HECW2: variants seen among roughly 807,000 people sequenced by gnomAD.
HECW2 encodes HECT, C2 and WW domain containing E3 ubiquitin protein ligase 2.
Under a neutral mutation model 175.2 loss-of-function variants are expected in HECW2, and 61 were observed. The ratio of observed to expected loss-of-function variants is 0.35; its 90% CI spans 0.28 to 0.43. The LOEUF (loss-of-function observed/expected upper bound fraction) is 0.43, where lower values mean the gene tolerates loss of function less well. HECW2 is among the 20% of genes least tolerant of loss of function. The probability of loss-of-function intolerance (pLI) is 1.00; values close to 1 mark genes in which losing one functional copy is unlikely to be tolerated. For synonymous variants in HECW2, 671 were observed against 731.0 expected (o/e 0.92, Z 1.32); for missense variants, 1,524 against 2,000.5 (o/e 0.76, Z 4.54).
chr2:196,281,685 G>A (rs945388880), intron 14 of HECW2, among the ~76,000 whole-genome samples: 81 of 128,448 alleles, frequency 6.3e-4, no homozygotes, highest in Non-Finnish European at 1.1e-3. Flanking sequence ...TTCTTTTACC[G>A]AAATACTTAA....
chr2:196,378,178 C>T (rs1461803413), intron 2 of HECW2, among the ~76,000 whole-genome samples: 1 of 152,200 alleles, frequency 6.6e-6, no homozygotes, highest in Non-Finnish European at 1.5e-5. Context: ...TCAGGCCCTA[C>T]CATGTCATCT....
chr2:196,477,126 T>G (rs1050474177), intron 1 of HECW2, among the ~76,000 whole-genome samples: 23 of 150,200 alleles, frequency 1.5e-4, no homozygotes, highest in Admixed American at 6.6e-4. Context: ...GTAGGTGAGG[T>G]TTTTTCCCTG....
In HECW2 at chr2:196,342,202, C is replaced by T. The variant is rs919792471; in HGVS notation, c.400+1455G>A. Among the ~76,000 whole-genome samples, 3 of 151,470 alleles carry T rather than the reference C, an allele frequency of 2.0e-5. No homozygotes were observed. The South Asian group carries it at 6.3e-4, about 32-fold the overall frequency. ...GGCGGATCACCTGAGGTCAGGAGTT[C>T]GAGACCAGCCTGACCAACATGGAGA... On this transcript the variant is annotated intron_variant, in intron 3 of 28. Transcript: ENST00000644978.
intron 1 of HECW2, among the ~76,000 whole-genome samples, chr2:196,477,909 G>A (rs774744436): frequency 7.2e-5 from 11 of 152,004 alleles, no homozygotes; most frequent in Admixed American, 2.0e-4. Context: ...AAAATTAGCC[G>A]AACATGGTGG....
intron 1 of HECW2, among the ~76,000 whole-genome samples, chr2:196,436,085 C>A (rs1695861779): frequency 6.6e-6 from 1 of 152,152 alleles, no homozygotes; most frequent in South Asian, 2.1e-4. Context: ...GCTTTGGCCC[C>A]ATAACACTGA....
At chr2:196,564,460 C>T (rs1277930742) in intron 1 of HECW2, among the ~76,000 whole-genome samples, 1 of 152,116 alleles carries the variant, frequency 6.6e-6, no homozygotes, top group African/African-American at 2.4e-5. Flanking sequence ...TCCTTATTCT[C>T]AGGAAGTGTG....
chr2:196,278,431 A>T, intron 15 of HECW2, 97 bp downstream of exon 15: 1 of 1,392,624 alleles, frequency 7.2e-7, no homozygotes, highest in Non-Finnish European at 9.7e-7. Context: ...AAAAAAAAAG[A>T]AAAAATGCTT....
chr2:196,223,551 G>A (rs998404420), intron 23 of HECW2, among the ~76,000 whole-genome samples: 2 of 152,328 alleles, frequency 1.3e-5, no homozygotes, highest in East Asian at 1.9e-4. Flanking sequence ...GTTTGAGAGA[G>A]TTAACCTTAA....
At chr2:196,426,679 C>T (rs776634044) in intron 2 of HECW2, among the ~76,000 whole-genome samples, 1 of 151,958 alleles carries the variant, frequency 6.6e-6, no homozygotes, top group East Asian at 1.9e-4. Flanking sequence ...TTGGGAAATA[C>T]GAGACTACAA....
chr2:196,419,096 G>A (rs1302264687), intron 2 of HECW2, among the ~76,000 whole-genome samples: 2 of 152,216 alleles, frequency 1.3e-5, no homozygotes, highest in East Asian at 3.8e-4. Flanking sequence ...CCTACAACAT[G>A]AACAAGATGC....
chr2:196,502,419 T>A (rs1387922834), intron 1 of HECW2, among the ~76,000 whole-genome samples: 1 of 152,186 alleles, frequency 6.6e-6, no homozygotes, highest in East Asian at 1.9e-4. Context: ...TATTATCAAA[T>A]TCACATAACT....
intron 1 of HECW2, among the ~76,000 whole-genome samples, chr2:196,574,068 T>A (rs1260183834): frequency 6.6e-6 from 1 of 152,108 alleles, no homozygotes; most frequent in Non-Finnish European, 1.5e-5. Flanking sequence ...CTGGTGTTTC[T>A]ATACACAACC....
chr2:196,271,268 G>A lies in HECW2; in HGVS notation c.3260C>T (p.Ala1087Val), dbSNP rs976723277. ...VPVAYNDKIV[A>V]FLRQPNIFEI... The stretch of plus-strand genomic sequence containing the variant: ...AAAGATATTGGGTTGACGTAGAAAT[G>A]CAACAATCTTGTCATTGTAAGCTGA... Residue 1087 changes from alanine to valine, a missense_variant, in exon 17 of 29, where the codon GCA becomes GTA. Coordinates refer to ENST00000644978, the MANE Select transcript of HECW2 (RefSeq NM_001348768.2). 2 of 1,607,394 alleles carry A rather than the reference G, an allele frequency of 1.2e-6. No homozygotes were observed. Among genetic ancestry groups the A allele is most frequent in the Non-Finnish European group, 1.7e-6 (2 of 1,174,098 alleles).
chr2:196,258,043 G>C, intron 17 of HECW2, 137 bp from the exon 18 acceptor site: 1 of 618,206 alleles, frequency 1.6e-6, no homozygotes, highest in Non-Finnish European at 2.9e-6. Flanking sequence ...AATACCCTAG[G>C]AATACACATC....
intron 17 of HECW2, among the ~76,000 whole-genome samples, chr2:196,268,057 G>A (rs1689583031): frequency 6.6e-6 from 1 of 152,146 alleles, no homozygotes; most frequent in South Asian, 2.1e-4. Context: ...AAGAAGTTCA[G>A]CCTATTTCCC....
intron 28 of HECW2, among the ~76,000 whole-genome samples, chr2:196,207,025 A>T (rs1331884259): frequency 6.6e-6 from 1 of 152,252 alleles, no homozygotes; most frequent in African/African-American, 2.4e-5. Flanking sequence ...TGTTCCCAGC[A>T]GATGGAACAT....
chr2:196,321,267 T>C (rs1234937876), intron 7 of HECW2, among the ~76,000 whole-genome samples: 1 of 152,236 alleles, frequency 6.6e-6, no homozygotes, highest in Non-Finnish European at 1.5e-5. Context: ...GTCTGCCTCC[T>C]GAAGGATGGA....
At chr2:196,278,892 C>T (rs752498408) in intron 14 of HECW2, among the ~76,000 whole-genome samples, 63 of 151,980 alleles carry the variant, frequency 4.1e-4, no homozygotes, top group Non-Finnish European at 3.7e-4. Context: ...AACATTATGC[C>T]TGGTTTTAGG....
At chr2:196,293,953 C>A (rs1432972393) in intron 13 of HECW2, among the ~76,000 whole-genome samples, 1 of 152,170 alleles carries the variant, frequency 6.6e-6, no homozygotes, top group Non-Finnish European at 1.5e-5. Context: ...AGAATCTCAC[C>A]CTTCATAGAG....
Sources: allele counts gnomAD v4.1 joint callset (sites outside exome capture counted in the v4.1 genomes callset), GRCh38; gene constraint gnomAD v4.1.1; transcripts MANE v1.5; gene names NCBI Gene and HGNC (gene_info 2026-07-23, HGNC 2026-07-21).